Variants in ADGRL3 observed in about 807,000 individuals in gnomAD.
The protein encoded by ADGRL3 is adhesion G protein-coupled receptor L3.
A neutral mutation model predicts 153.5 loss-of-function variants in ADGRL3; 62 were observed. The ratio of observed to expected loss-of-function variants is 0.40; its 90% confidence interval spans 0.33 to 0.50. The LOEUF (loss-of-function observed/expected upper bound fraction) is 0.50, where lower values mean the gene tolerates loss of function less well. Ranked by LOEUF, ADGRL3 falls within the 20% of genes least tolerant of loss-of-function variation. The pLI is 0.47. For synonymous variants in ADGRL3, 710 were observed against 672.5 expected, an observed-to-expected ratio of 1.06 and a Z score of -0.86; for missense variants, 1,641 against 1,859.4, an observed-to-expected ratio of 0.88 and a Z score of 2.16.
chr4:61,741,922 G>C (rs1351113351), intron 8 of ADGRL3, among the ~76,000 whole-genome samples: 1 of 152,200 alleles, frequency 6.6e-6, no homozygotes, highest in Non-Finnish European at 1.5e-5. Context: ...ATTTATATGT[G>C]TATTTCACAG....
intron 2 of ADGRL3, among the ~76,000 whole-genome samples, chr4:61,462,437 A>C (rs978246984): frequency 6.6e-6 from 1 of 152,116 alleles, no homozygotes; most frequent in African/African-American, 2.4e-5. Flanking sequence ...CTTGTAAAGG[A>C]GAAGGAAAAT....
chr4:61,793,887 A>C (rs1020801776), intron 8 of ADGRL3, among the ~76,000 whole-genome samples: 2 of 152,220 alleles, frequency 1.3e-5, no homozygotes, highest in Non-Finnish European at 2.9e-5. Flanking sequence ...TATACTATGA[A>C]TGAGAATGTA....
chr4:61,845,658 A>G (rs1306880774), intron 9 of ADGRL3, among the ~76,000 whole-genome samples: 1 of 151,490 alleles, frequency 6.6e-6, no homozygotes, highest in East Asian at 1.9e-4. Flanking sequence ...AAGCCACAGC[A>G]CCCAGCCTCC....
At chr4:61,899,260 C>T (rs547777960) in intron 11 of ADGRL3, among the ~76,000 whole-genome samples, 3 of 151,974 alleles carry the variant, frequency 2.0e-5, no homozygotes, top group South Asian at 4.2e-4. Flanking sequence ...TTTCCTTTGC[C>T]CTTCACCTCC....
chr4:61,998,272 G>A lies in ADGRL3; in HGVS notation c.3395+7G>A, dbSNP rs1002023963. ...GCTGTCTTGATAACATCAAGTAAGT[G>A]ATTTTTATTTTTGTTTTCTATAGGT... On this transcript the variant is annotated splice_region_variant and intron_variant, in intron 21 of 26. Coordinates refer to ENST00000683033, the MANE Select transcript of ADGRL3 (RefSeq NM_001387552.1). The A allele has an allele frequency of 2.0e-6, 3 of 1,482,652 alleles. No individual in the cohort carries two copies. Among genetic ancestry groups the A allele is most frequent in the African/African-American group, 2.8e-5 (2 of 70,178 alleles). 91.8% of individuals were successfully genotyped at this position (1,482,652 alleles called of 1,614,324 possible). A position where few individuals can be genotyped will look rare whatever the true frequency, so the allele number is the denominator to read the frequency against.
chr4:61,732,937 C>G lies in ADGRL3; in HGVS notation c.782C>G (p.Ala261Gly). Residue 261 changes from alanine to glycine, a missense_variant, in exon 8 of 27, where the codon GCT becomes GGT. Physicochemically the swap from Ala to Gly is moderately conservative, Grantham distance 60. Around this residue, in one of 5 missense-constraint regions of ADGRL3, gnomAD observed 213 missense variants for 362.1 expected, o/e 0.59. Coordinates refer to ENST00000683033, the MANE Select transcript of ADGRL3 (RefSeq NM_001387552.1). ...TEYSSKDDFI[A>G]GRPTTTYKLP... ...TATTCATCCAAGGATGACTTCATTG[C>G]TGGAAGACCAACTACAACCTACAAG... 6.2e-7 allele frequency: 1 copy of G among 1,613,754 alleles called. No homozygotes were observed. The highest frequency in any genetic ancestry group is 2.2e-5 in the East Asian group (1 of 44,844).
At chr4:61,898,631 T>TTA (rs2098645567) in intron 11 of ADGRL3, among the ~76,000 whole-genome samples, 1 of 151,860 alleles carries the variant, frequency 6.6e-6, no homozygotes, top group African/African-American at 2.4e-5. Context: ...TCTTTTTTTT[T>TTA]TTTTTGAGAT....
At chr4:61,409,616 T>C (rs2097058924) in intron 2 of ADGRL3, among the ~76,000 whole-genome samples, 1 of 151,348 alleles carries the variant, frequency 6.6e-6, no homozygotes, top group African/African-American at 2.4e-5. Flanking sequence ...GGTCTAAATG[T>C]TTTCGTTATA....
chr4:61,705,048 C>G (rs1289700921), intron 6 of ADGRL3, among the ~76,000 whole-genome samples: 3 of 152,086 alleles, frequency 2.0e-5, no homozygotes, highest in Non-Finnish European at 4.4e-5. Flanking sequence ...TGAACAAACT[C>G]CTGTTAATGT....
intron 4 of ADGRL3, among the ~76,000 whole-genome samples, chr4:61,532,553 C>G (rs55892908): frequency 2.3e-5 from 3 of 131,556 alleles, no homozygotes; most frequent in Non-Finnish European, 3.2e-5. Context: ...CGCGCGCGCG[C>G]GCGTGTGTGT....
chr4:61,291,575 T>TAC, intron 1 of ADGRL3, among the ~76,000 whole-genome samples: 2 of 14,126 alleles, frequency 1.4e-4, no homozygotes, highest in African/African-American at 3.0e-4. Flanking sequence ...TACATATATA[T>TAC]ATATATACAT....
intron 17 of ADGRL3, among the ~76,000 whole-genome samples, chr4:61,958,687 C>T (rs1388424564): frequency 6.6e-6 from 1 of 152,044 alleles, no homozygotes; most frequent in Non-Finnish European, 1.5e-5. Flanking sequence ...AGAACTCCCT[C>T]ACTATCACAA....
At chr4:61,974,542 C>T (rs1010787477) in intron 17 of ADGRL3, among the ~76,000 whole-genome samples, 1 of 151,992 alleles carries the variant, frequency 6.6e-6, no homozygotes, top group Non-Finnish European at 1.5e-5. Flanking sequence ...AAGAAATATT[C>T]ACTTTCTTGC....
At chr4:61,815,710 A>C (rs1218182818) in intron 9 of ADGRL3, among the ~76,000 whole-genome samples, 2 of 152,228 alleles carry the variant, frequency 1.3e-5, no homozygotes, top group Non-Finnish European at 2.9e-5. Context: ...TTAGGAGATG[A>C]TTACGGCATA....
chr4:61,747,839 T>C lies in ADGRL3; in HGVS notation c.1399+14285T>C, dbSNP rs555784254. 4.0e-5 allele frequency among the ~76,000 whole-genome samples: 6 copies of C among 151,876 alleles called. No homozygotes were observed. The South Asian group carries it at 1.3e-3, about 32-fold the overall frequency. ...CTCTCACCACTCCTACTCAACATAG[T>C]GTTGGAAGTTCTGGTCAGGGCAATC... On this transcript the variant is annotated intron_variant, in intron 8 of 26. Coordinates refer to ENST00000683033, the MANE Select transcript of ADGRL3 (RefSeq NM_001387552.1).
At chr4:61,589,879 G>C (rs2149384419) in intron 5 of ADGRL3, among the ~76,000 whole-genome samples, 1 of 152,214 alleles carries the variant, frequency 6.6e-6, no homozygotes, top group African/African-American at 2.4e-5. Context: ...TTGAAAGGCT[G>C]TAACTCTTGA....
At chr4:61,447,423 T>G (rs1219118641) in intron 2 of ADGRL3, among the ~76,000 whole-genome samples, 1 of 152,050 alleles carries the variant, frequency 6.6e-6, no homozygotes, top group African/African-American at 2.4e-5. Flanking sequence ...CTCTGGATTC[T>G]TAAAACAAAC....
At chr4:61,353,344 C>T (rs923510866) in intron 1 of ADGRL3, among the ~76,000 whole-genome samples, 48 of 152,044 alleles carry the variant, frequency 3.2e-4, no homozygotes, top group African/African-American at 1.1e-3. Context: ...AACACACATA[C>T]ACCCATTTTA....
intron 8 of ADGRL3, among the ~76,000 whole-genome samples, chr4:61,740,665 A>G (rs994185246): frequency 2.0e-5 from 3 of 152,236 alleles, no homozygotes; most frequent in African/African-American, 7.2e-5. Context: ...AATAACAGGC[A>G]TAGAAGCTGA....
Sources: gnomAD v4.1 joint callset for allele counts (sites outside exome capture counted in the v4.1 genomes callset) on GRCh38, gnomAD v4.1.1 for gene constraint, gnomAD v4.1.1 regional missense constraint, MANE v1.5 for transcripts, NCBI Gene and HGNC (gene_info 2026-07-23, HGNC 2026-07-21) for gene names.